ATP10D: variants seen among roughly 807,000 people sequenced by gnomAD.
ATP10D encodes the protein ATPase phospholipid transporting 10D (putative), also known as phospholipid-transporting ATPase VD.
Under a neutral mutation model 144.8 loss-of-function variants are expected in ATP10D, and 89 were observed. That is an observed-to-expected ratio of 0.61 (90% confidence interval 0.52 to 0.73). ATP10D has a LOEUF of 0.73. Among genes scored for constraint, ATP10D ranks in the 30% least tolerant of loss-of-function variants. The pLI is 0.00. For synonymous variants in ATP10D, 571 were observed against 615.1 expected (o/e 0.93, Z 1.06); for missense variants, 1,603 against 1,714.8 (o/e 0.93, Z 1.15).
intron 1 of ATP10D, among the ~76,000 whole-genome samples, chr4:47,489,276 A>G (rs989209233): frequency 5.3e-5 from 8 of 152,218 alleles, no homozygotes; most frequent in African/African-American, 1.4e-4. Context: ...ATCAAAATGT[A>G]TCATTTTGTT....
At chr4:47,580,863 A>T (rs955770456) in intron 20 of ATP10D, among the ~76,000 whole-genome samples, 1 of 152,080 alleles carries the variant, frequency 6.6e-6, no homozygotes, top group Non-Finnish European at 1.5e-5. Context: ...GGAGTTTGAA[A>T]CCAGCTTGCA....
chr4:47,565,454 G>A (rs984273432), intron 15 of ATP10D, among the ~76,000 whole-genome samples: 1 of 152,150 alleles, frequency 6.6e-6, no homozygotes, highest in Admixed American at 6.5e-5. Flanking sequence ...CCAAAAGAAT[G>A]TAGCCTAGGT....
At chr4:47,492,439 G>A (rs1157259749) in intron 1 of ATP10D, among the ~76,000 whole-genome samples, 1 of 152,166 alleles carries the variant, frequency 6.6e-6, no homozygotes, top group African/African-American at 2.4e-5. Flanking sequence ...TATTTATCAT[G>A]AATCTATTTT....
chr4:47,536,384 G>T, intron 7 of ATP10D, 53 bp from the exon 8 acceptor site: 1 of 1,587,834 alleles, frequency 6.3e-7, no homozygotes. Context: ...AAAATTTTTT[G>T]TTTGCATGCC....
intron 1 of ATP10D, among the ~76,000 whole-genome samples, chr4:47,488,715 ATGTT>A (rs1216963393): frequency 6.6e-6 from 1 of 151,826 alleles, no homozygotes; most frequent in Non-Finnish European, 1.5e-5. Context: ...TATGGTCTAA[ATGTT>A]TGTTCCCTCC....
At chr4:47,565,726 A>C (rs1451254088) in intron 15 of ATP10D, among the ~76,000 whole-genome samples, 1 of 152,162 alleles carries the variant, frequency 6.6e-6, no homozygotes, top group Non-Finnish European at 1.5e-5. Context: ...TGTGAAATTC[A>C]TTTATAATGC....
At chr4:47,582,949 C>A (rs1720597846) in intron 21 of ATP10D, 1 of 152,174 alleles carries the variant, frequency 6.6e-6, no homozygotes, top group African/African-American at 2.4e-5. Context: ...TCAAGACCAG[C>A]CTGGGCAACA....
chr4:47,511,469 T>C (rs1211377062), intron 1 of ATP10D, among the ~76,000 whole-genome samples: 1 of 152,218 alleles, frequency 6.6e-6, no homozygotes, highest in East Asian at 1.9e-4. Flanking sequence ...TTCAGGAGGC[T>C]GAGGCATGAG....
Position 47,582,002 on chromosome 4 carries a change from C to T in ATP10D, c.3691C>T (p.Pro1231Ser). 1 of 1,614,036 alleles carries T rather than the reference C, an allele frequency of 6.2e-7. No homozygotes were observed. Among genetic ancestry groups the T allele is most frequent in the Non-Finnish European group, 8.5e-7 (1 of 1,179,966 alleles). The change falls in exon 21 of 23, where the codon CCC becomes TCC. Residue 1231 changes from proline (P) to serine (S), a missense_variant. Physicochemically the swap from Pro to Ser is moderately conservative, Grantham distance 74 (BLOSUM62 -1). Transcript: ENST00000273859. ...SDTDIFAFGN[P>S]LNTAALFIVL... is the part of the protein sequence containing the mutation. ...TACTGACATCTTTGCATTTGGAAAC[C>T]CCCTGAACACAGCCGCTCTGTTCAT...
Position 47,512,711 on chromosome 4 carries a change from C to T in ATP10D, c.171C>T (p.Ile57=), listed in dbSNP as rs748770576. ...GGCACCGGATTGTTGTTCCCCACAT[C>T]CAGCCCTTCAAGGATGAGTATGAGA... The part of the protein sequence containing the change: ...SGRHRIVVPH[I]QPFKDEYEKF... The change falls in exon 2 of 23, where the codon ATC becomes ATT. Residue 57 remains isoleucine (I), a synonymous_variant. Coordinates refer to ENST00000273859, the MANE Select transcript of ATP10D (RefSeq NM_020453.4). 3 of 1,614,112 alleles carry T rather than the reference C, an allele frequency of 1.9e-6. No individual in the cohort carries two copies. The highest frequency in any genetic ancestry group is 2.5e-6 in the Non-Finnish European group (3 of 1,180,044).
intron 1 of ATP10D, among the ~76,000 whole-genome samples, chr4:47,511,779 T>A (rs779782158): frequency 1.3e-5 from 2 of 152,212 alleles, no homozygotes; most frequent in African/African-American, 2.4e-5. Flanking sequence ...AGTGGTCAGT[T>A]GGCAGTCAGT....
chr4:47,572,309 T>G (rs1577697945), intron 17 of ATP10D, 79 bp downstream of exon 17: 6 of 1,285,280 alleles, frequency 4.7e-6, no homozygotes, highest in Non-Finnish European at 6.8e-6. Context: ...GTAAATTCTC[T>G]GTGGCAGAGT....
intron 1 of ATP10D, among the ~76,000 whole-genome samples, chr4:47,502,257 G>A (rs139917574): frequency 0.013 from 2,040 of 152,158 alleles, 64 homozygotes; most frequent in African/African-American, 0.045. Flanking sequence ...GGCGGATCAC[G>A]AGGTCAGATC....
intron 5 of ATP10D, among the ~76,000 whole-genome samples, chr4:47,531,995 G>A (rs954503399): frequency 1.3e-5 from 2 of 152,180 alleles, no homozygotes; most frequent in African/African-American, 4.8e-5. Flanking sequence ...TTAAAAAACT[G>A]TATGAGAACA....
intron 9 of ATP10D, among the ~76,000 whole-genome samples, chr4:47,542,722 A>G (rs1224895582): frequency 2.0e-5 from 3 of 148,324 alleles, no homozygotes; most frequent in African/African-American, 5.0e-5. Context: ...CAGGTGATCC[A>G]CCCACCTCGG....
At chr4:47,501,196 G>T (rs1715663935) in intron 1 of ATP10D, among the ~76,000 whole-genome samples, 1 of 152,142 alleles carries the variant, frequency 6.6e-6, no homozygotes, top group South Asian at 2.1e-4. Context: ...GAGAATATGG[G>T]GCAGTGAAAA....
At chr4:47,565,653 G>C (rs901151909) in intron 15 of ATP10D, among the ~76,000 whole-genome samples, 7 of 152,052 alleles carry the variant, frequency 4.6e-5, no homozygotes, top group African/African-American at 1.7e-4. Context: ...TCAGATGAGA[G>C]GGGTTCAGTA....
At chr4:47,536,217 C>T (rs912096701) in intron 7 of ATP10D, among the ~76,000 whole-genome samples, 184 bp downstream of exon 7, 3 of 151,990 alleles carry the variant, frequency 2.0e-5, no homozygotes, top group Non-Finnish European at 4.4e-5. Flanking sequence ...TATCCATTTA[C>T]GTTTTGCCAT....
chr4:47,498,035 C>A (rs971927163), intron 1 of ATP10D, among the ~76,000 whole-genome samples: 1 of 152,192 alleles, frequency 6.6e-6, no homozygotes, highest in African/African-American at 2.4e-5. Flanking sequence ...TGTCAGATGT[C>A]TTACGTACAT....
Sources: gnomAD v4.1 joint callset for allele counts (sites outside exome capture counted in the v4.1 genomes callset) on GRCh38, gnomAD v4.1.1 for gene constraint, MANE v1.5 for transcripts, NCBI Gene and HGNC (gene_info 2026-07-23, HGNC 2026-07-21) for gene names.